The following NOS1AP variants were observed in gnomAD, a reference collection of about 807,000 sequenced individuals.
NOS1AP encodes the protein nitric oxide synthase 1 adaptor protein.
Under a neutral mutation model 56.2 loss-of-function variants are expected in NOS1AP, and 21 were observed. That is an observed-to-expected ratio of 0.37 (90% confidence interval 0.26 to 0.54). NOS1AP has a LOEUF of 0.54. Ranked by LOEUF, NOS1AP falls within the 20% of genes least tolerant of loss-of-function variation. NOS1AP has a pLI of 0.84. For missense variants in NOS1AP, 522 were observed against 657.8 expected (o/e 0.79, Z 2.26); for synonymous variants, 270 against 274.6 (o/e 0.98, Z 0.17).
chr1:162,337,260 C>T (rs758168718), intron 5 of NOS1AP, among the ~76,000 whole-genome samples: 14 of 152,218 alleles, frequency 9.2e-5, no homozygotes, highest in Non-Finnish European at 1.9e-4. Flanking sequence ...ATAATTTTGC[C>T]TGCAATCACA....
chr1:162,160,474 C>T (rs577089606), intron 2 of NOS1AP, among the ~76,000 whole-genome samples: 29 of 152,282 alleles, frequency 1.9e-4, no homozygotes, highest in Admixed American at 7.2e-4. Flanking sequence ...GACTGGTGGA[C>T]GGGCGGCTTT....
intron 6 of NOS1AP, among the ~76,000 whole-genome samples, chr1:162,351,826 C>T (rs1657507075): frequency 6.6e-6 from 1 of 152,138 alleles, no homozygotes; most frequent in Non-Finnish European, 1.5e-5. Flanking sequence ...CTTATTTTCT[C>T]CCAGTCTTTC....
rs1649168847 is a variant in NOS1AP at position 162,140,030 on chromosome 1, T to A, written c.106-14375T>A. On this transcript the variant is annotated intron_variant, in intron 1 of 9. Coordinates refer to ENST00000361897, the MANE Select transcript of NOS1AP (RefSeq NM_014697.3). Reference sequence around the variant, plus strand: ...TTTCAGTAGAGACAAGGTTTTGCCATCTTGGCCAGGCTGGTCTTGAACCCC... The same window carrying A: ...TTTCAGTAGAGACAAGGTTTTGCCAACTTGGCCAGGCTGGTCTTGAACCCC... 2.0e-5 allele frequency among the ~76,000 whole-genome samples: 3 copies of A among 152,140 alleles called. No homozygotes were observed. The South Asian group carries it at 6.2e-4, about 31-fold the overall frequency.
intron 2 of NOS1AP, among the ~76,000 whole-genome samples, chr1:162,221,861 TAAATC>T (rs1483927171): frequency 6.6e-6 from 1 of 152,238 alleles, no homozygotes; most frequent in Non-Finnish European, 1.5e-5. Context: ...TACTCAATGA[TAAATC>T]AAAGATGTCC....
chr1:162,073,202 T>C (rs867235299), intron 1 of NOS1AP, among the ~76,000 whole-genome samples: 2 of 152,244 alleles, frequency 1.3e-5, no homozygotes, highest in South Asian at 4.1e-4. Context: ...GGTCTCCTTA[T>C]GTCTATTTTA....
intron 1 of NOS1AP, among the ~76,000 whole-genome samples, chr1:162,101,778 G>A (rs1647280766): frequency 6.6e-6 from 1 of 152,210 alleles, no homozygotes; most frequent in Non-Finnish European, 1.5e-5. Flanking sequence ...AGCAATTTTT[G>A]CACATGGATT....
At chr1:162,337,614 C>T (rs1271132494) in intron 5 of NOS1AP, among the ~76,000 whole-genome samples, 1 of 152,196 alleles carries the variant, frequency 6.6e-6, no homozygotes, top group Non-Finnish European at 1.5e-5. Flanking sequence ...TGTCCACAGT[C>T]ACCCAGTTGG....
At chr1:162,151,436 A>C (rs1649700968) in intron 1 of NOS1AP, among the ~76,000 whole-genome samples, 1 of 152,212 alleles carries the variant, frequency 6.6e-6, no homozygotes, top group African/African-American at 2.4e-5. Context: ...CCTAATTTGA[A>C]GTCAGGTAAT....
chr1:162,194,949 T>A (rs929955659), intron 2 of NOS1AP, among the ~76,000 whole-genome samples: 1 of 152,306 alleles, frequency 6.6e-6, no homozygotes. Flanking sequence ...CCTGGATGTA[T>A]TATTGCATTA....
intron 2 of NOS1AP, among the ~76,000 whole-genome samples, chr1:162,233,452 T>C (rs938298690): frequency 6.6e-6 from 1 of 152,168 alleles, no homozygotes; most frequent in African/African-American, 2.4e-5. Context: ...AATAACATCT[T>C]TATTGAGACA....
intron 2 of NOS1AP, among the ~76,000 whole-genome samples, chr1:162,174,011 G>A (rs1230803254): frequency 2.0e-5 from 3 of 152,160 alleles, no homozygotes; most frequent in Non-Finnish European, 2.9e-5. Context: ...TGATTCCTCA[G>A]GGATCTAGAA....
At chr1:162,249,259 T>C (rs1271490296) in intron 2 of NOS1AP, among the ~76,000 whole-genome samples, 1 of 152,164 alleles carries the variant, frequency 6.6e-6, no homozygotes, top group Non-Finnish European at 1.5e-5. Flanking sequence ...CAGCACCAGA[T>C]ACCCTGCAGA....
intron 1 of NOS1AP, among the ~76,000 whole-genome samples, chr1:162,113,831 C>A (rs866855570): frequency 1.3e-5 from 2 of 152,080 alleles, no homozygotes; most frequent in Non-Finnish European, 2.9e-5. Flanking sequence ...CTTACCTGTC[C>A]ATCCTTCACC....
At chr1:162,133,838 T>C (rs1006277848) in intron 1 of NOS1AP, among the ~76,000 whole-genome samples, 2 of 152,218 alleles carry the variant, frequency 1.3e-5, no homozygotes, top group Admixed American at 6.5e-5. Flanking sequence ...AGCCAAGGTA[T>C]TTATAGATTG....
intron 2 of NOS1AP, among the ~76,000 whole-genome samples, chr1:162,170,493 A>G (rs1650715438): frequency 6.6e-6 from 1 of 152,222 alleles, no homozygotes; most frequent in Non-Finnish European, 1.5e-5. Context: ...TGCTCAATAC[A>G]TATCTATCAA....
At chr1:162,299,796 A>T (rs1216027405) in intron 3 of NOS1AP, among the ~76,000 whole-genome samples, 1 of 151,928 alleles carries the variant, frequency 6.6e-6, no homozygotes, top group Admixed American at 6.6e-5. Flanking sequence ...GCACATACGT[A>T]GTATGGTATT....
intron 2 of NOS1AP, among the ~76,000 whole-genome samples, chr1:162,205,084 G>A (rs1471311752): frequency 6.6e-6 from 1 of 152,226 alleles, no homozygotes; most frequent in East Asian, 1.9e-4. Context: ...CTGCTAATCA[G>A]TTGGTCCTGG....
chr1:162,112,054 GC>G (rs1229309960), intron 1 of NOS1AP, among the ~76,000 whole-genome samples: 30 of 152,302 alleles, frequency 2.0e-4, no homozygotes, highest in African/African-American at 6.5e-4. Context: ...CTGTTCTGCA[GC>G]CTGTGGTCAC....
At chr1:162,142,844 T>C (rs1369692383) in intron 1 of NOS1AP, among the ~76,000 whole-genome samples, 3 of 152,214 alleles carry the variant, frequency 2.0e-5, no homozygotes, top group Non-Finnish European at 4.4e-5. Context: ...AGAGACTCGA[T>C]TGTTAGGACA....
Sources: gnomAD v4.1 joint callset for allele counts (sites outside exome capture counted in the v4.1 genomes callset) on GRCh38, gnomAD v4.1.1 for gene constraint, MANE v1.5 for transcripts, NCBI Gene and HGNC (gene_info 2026-07-23, HGNC 2026-07-21) for gene names.